Variants in STRN observed in about 807,000 individuals in gnomAD.
The protein encoded by STRN is protein phosphatase 2 regulatory subunit B'''alpha.
A neutral mutation model predicts 96.3 loss-of-function variants in STRN; 53 were observed. The ratio of observed to expected loss-of-function variants is 0.55; its 90% confidence interval spans 0.44 to 0.69. The LOEUF is 0.69. Among genes scored for constraint, STRN ranks in the 30% least tolerant of loss-of-function variants. The pLI is 0.00. For synonymous variants in STRN, 428 were observed against 355.9 expected (o/e 1.20, Z -2.28); for missense variants, 987 against 963.9 (o/e 1.02, Z -0.32).
rs537814339 is a variant in STRN, at chr2:36,847,978, T to C, written c.*1478A>G. The C allele has an allele frequency of 6.6e-6, 1 of 152,350 alleles. No individual in the cohort carries two copies. Among genetic ancestry groups the C allele is most frequent in the South Asian group, 2.1e-4 (1 of 4,830 alleles). The allele number at this position is 152,350 out of a possible 1,614,324, so 9.4% of individuals were successfully genotyped here. A position where few individuals can be genotyped will look rare whatever the true frequency, so the allele number is the denominator to read the frequency against. ...ACGTTAATAATTTATTTCCAATTTC[T>C]AGATTGGTCTCTGTCATTTGGGACA... On this transcript the variant is annotated 3_prime_UTR_variant, in exon 18 of 18. Coordinates refer to ENST00000263918, the MANE Select transcript of STRN (RefSeq NM_003162.4).
At chr2:36,966,162 G>A (rs1665155524) in intron 1 of STRN, 68 bp downstream of exon 1, 3 of 1,373,572 alleles carry the variant, frequency 2.2e-6, no homozygotes, top group Non-Finnish European at 1.9e-6. Flanking sequence ...AGGGGGAGAA[G>A]GGTCCGGGGC....
intron 15 of STRN, among the ~76,000 whole-genome samples, chr2:36,853,008 T>C (rs1668258036): frequency 6.6e-6 from 1 of 152,058 alleles, no homozygotes; most frequent in South Asian, 2.1e-4. Context: ...AATACAAAAA[T>C]GAACCAGATA....
chr2:36,925,022 C>G, intron 2 of STRN, 83 bp downstream of exon 2: 7 of 1,288,630 alleles, frequency 5.4e-6, no homozygotes, highest in Non-Finnish European at 7.8e-6. Context: ...TACCATTGCA[C>G]CCCAGCCTGG....
At chr2:36,862,739 T>A (rs1027850799) in intron 12 of STRN, among the ~76,000 whole-genome samples, 2 of 149,862 alleles carry the variant, frequency 1.3e-5, no homozygotes, top group Admixed American at 6.6e-5. Context: ...TTGTTTTTAT[T>A]CTTTTTTTTT....
rs1441421098 is a variant in STRN, at chr2:36,902,771, A to G, written c.492-20T>C. On this transcript the variant is annotated intron_variant, in intron 4 of 17. Coordinates refer to ENST00000263918, the MANE Select transcript of STRN (RefSeq NM_003162.4). ...AGATACCTGTGTGAAGAGAATCCTT[A>G]GAGTTCAGTCATACTGGAATCAGTA... 4.4e-6 allele frequency: 7 copies of G among 1,573,520 alleles called. No individual in the cohort carries two copies. The highest frequency in any genetic ancestry group is 1.4e-5 in the African/African-American group (1 of 73,910).
rs530113433 is a variant in STRN, at chr2:36,909,946, G to T, written c.413-4328C>A. Among the ~76,000 whole-genome samples, 7 of 152,264 alleles carry T rather than the reference G, an allele frequency of 4.6e-5. No individual in the cohort carries two copies. In the East Asian group the frequency reaches 1.4e-3, roughly 29 times the overall value. ...CCAGCACTTTGGGAGGCCAAGGTGG[G>T]CAGATCACCTGAGGTCAGGAGTTCT... On this transcript the variant is annotated intron_variant, in intron 3 of 17. Transcript: ENST00000263918.
At chr2:36,948,526 A>G (rs1038391236) in intron 1 of STRN, among the ~76,000 whole-genome samples, 2 of 152,220 alleles carry the variant, frequency 1.3e-5, no homozygotes, top group African/African-American at 4.8e-5. Context: ...TTTTAACATC[A>G]TTAACAACAT....
rs146523802 is a variant in STRN, at chr2:36,894,067, G to C, written c.796-34C>G. 376 of 1,594,958 alleles carry C rather than the reference G, an allele frequency of 2.4e-4. No individual in the cohort carries two copies. The African/African-American group carries it at 4.3e-3, about 18-fold the overall frequency. On this transcript the variant is annotated intron_variant, in intron 6 of 17. Transcript: ENST00000263918. ...AAAACATGCTAAATTAAATAAAGGA[G>C]ATAGTTTCCCTTTACCACTGAATAA...
At chr2:36,897,808 C>T (rs536662101) in intron 6 of STRN, among the ~76,000 whole-genome samples, 3 of 152,140 alleles carry the variant, frequency 2.0e-5, no homozygotes, top group South Asian at 2.1e-4. Flanking sequence ...TGGGCTCAAG[C>T]GATCCTCCTT....
Position 36,855,216 on chromosome 2 carries a change from A to G in STRN, c.1974T>C (p.Asp658=), listed in dbSNP as rs751062508. 1.2e-6 allele frequency: 2 copies of G among 1,613,526 alleles called. No individual in the cohort carries two copies. Among genetic ancestry groups the G allele is most frequent in the East Asian group, 2.2e-5 (1 of 44,848 alleles). ...ATTTAAAATTGGTATGCATACTTGT[A>G]TCTACATTGGATTCTAAAGTGAGAA... ...QRILTLESNV[D]TTANSSCQIN... is the part of the protein sequence containing the mutation. Residue 658 remains aspartate, a synonymous_variant, in exon 15 of 18, where the codon GAT becomes GAC. Coordinates refer to ENST00000263918, the MANE Select transcript of STRN (RefSeq NM_003162.4).
chr2:36,966,450 G>A lies in STRN; in HGVS notation c.14C>T (p.Ala5Val), dbSNP rs1432039108. 2.1e-6 allele frequency: 3 copies of A among 1,462,738 alleles called. No homozygotes were observed. The highest frequency in any genetic ancestry group is 1.5e-5 in the African/African-American group (1 of 68,074). The allele number at this position is 1,462,738 out of a possible 1,614,324, so 90.6% of individuals were successfully genotyped here. A position where few individuals can be genotyped will look rare whatever the true frequency, so the allele number is the denominator to read the frequency against. The part of the protein sequence containing the change: MDEQ[A>V]GPGVFFSNNH... Reference sequence around the variant, plus strand: ...GTTGCTGAAGAAGACGCCGGGACCCGCCTGCTCGTCCATGGCGGCCGCAGA... The same window carrying A: ...GTTGCTGAAGAAGACGCCGGGACCCACCTGCTCGTCCATGGCGGCCGCAGA... Residue 5 changes from alanine to valine, a missense_variant, in exon 1 of 18, where the codon GCG becomes GTG. Physicochemically the swap from Ala to Val is moderately conservative, Grantham distance 64. Transcript: ENST00000263918.
chr2:36,922,856 T>G (rs1343371788), intron 2 of STRN, among the ~76,000 whole-genome samples: 4 of 152,184 alleles, frequency 2.6e-5, no homozygotes, highest in African/African-American at 9.7e-5. Context: ...CAGATGAAAA[T>G]AACCACTCCG....
intron 7 of STRN, among the ~76,000 whole-genome samples, chr2:36,892,944 C>T (rs759173517): frequency 1.8e-4 from 27 of 151,962 alleles, no homozygotes; most frequent in Non-Finnish European, 3.1e-4. Flanking sequence ...TGCTTGAACC[C>T]GGGAACTGGA....
intron 14 of STRN, among the ~76,000 whole-genome samples, chr2:36,857,276 A>T (rs1668369976): frequency 6.6e-6 from 1 of 152,036 alleles, no homozygotes; most frequent in Admixed American, 6.6e-5. Flanking sequence ...CATCTATCAG[A>T]CTCACTGAAA....
chr2:36,916,276 G>T, intron 2 of STRN, 125 bp from the exon 3 acceptor site: 1 of 757,100 alleles, frequency 1.3e-6, no homozygotes, highest in Non-Finnish European at 2.1e-6. Context: ...AAGGCTCATA[G>T]CTTTCCATGG....
rs1372295197 is a variant in STRN, at chr2:36,844,095, CAT to C, written c.*5359_*5360del. 1.3e-5 allele frequency: 2 copies of C among 152,048 alleles called. No individual in the cohort carries two copies. The highest frequency in any genetic ancestry group is 2.1e-4 in the South Asian group (1 of 4,828). 9.4% of individuals were successfully genotyped at this position (152,048 alleles called of 1,614,324 possible). A position where few individuals can be genotyped will look rare whatever the true frequency, so the allele number is the denominator to read the frequency against. ...CTCTAGTCAACTGAACTTGAGAAAA[CAT>C]AAAGTAACCAGCAGATTTCAATATT... On this transcript the variant is annotated 3_prime_UTR_variant, in exon 18 of 18. Transcript: ENST00000263918.
At chr2:36,956,461 G>A (rs561741552) in intron 1 of STRN, among the ~76,000 whole-genome samples, 2 of 152,152 alleles carry the variant, frequency 1.3e-5, no homozygotes, top group Admixed American at 1.3e-4. Context: ...TGTTTTGTCA[G>A]ATTGGCCACC....
intron 7 of STRN, among the ~76,000 whole-genome samples, chr2:36,891,718 G>A (rs774508584): frequency 1.3e-5 from 2 of 152,120 alleles, no homozygotes; most frequent in Non-Finnish European, 2.9e-5. Context: ...TAGTTTTACT[G>A]TAAAATGTTT....
chr2:36,951,391 CAG>C (rs1664749165), intron 1 of STRN, among the ~76,000 whole-genome samples: 1 of 152,186 alleles, frequency 6.6e-6, no homozygotes, highest in African/African-American at 2.4e-5. Flanking sequence ...CAATAAAATG[CAG>C]ACACTATTTG....
Sources: gnomAD v4.1 joint callset for allele counts (sites outside exome capture counted in the v4.1 genomes callset) on GRCh38, gnomAD v4.1.1 for gene constraint, MANE v1.5 for transcripts, NCBI Gene and HGNC (gene_info 2026-07-23, HGNC 2026-07-21) for gene names.